The following SEM1 variants were observed in gnomAD, a reference collection of about 807,000 sequenced individuals.
SEM1 encodes 26S proteasome complex subunit SEM1.
A neutral mutation model predicts 12.7 loss-of-function variants in SEM1; 3 were observed. The observed-to-expected ratio is 0.24, with a 90% confidence interval of 0.11 to 0.61. The LOEUF is 0.61. SEM1 is among the 20% of genes least tolerant of loss of function. The pLI, the probability that SEM1 is intolerant of heterozygous loss-of-function variation, is 0.88. For synonymous variants in SEM1, 30 were observed against 27.8 expected (o/e 1.08, Z -0.25); for missense variants, 59 against 81.3 (o/e 0.73, Z 1.06).
At chr7:96,557,152 C>G (rs540237254) in intron 2 of SEM1, among the ~76,000 whole-genome samples, 4,594 of 151,060 alleles carry the variant, frequency 0.03, 230 homozygotes, top group African/African-American at 0.1. Context: ...TCCCGTAGCT[C>G]AGAGTAATTT....
downstream of SEM1, chr7:96,688,265 G>A (rs993972308): frequency 6.6e-6 from 1 of 152,066 alleles, no homozygotes; most frequent in East Asian, 1.9e-4. Context: ...TGTTGATAAA[G>A]TATCTTGAGC....
chr7:96,695,312 G>A (rs898215450), intron 1 of SEM1: 2 of 153,086 alleles, frequency 1.3e-5, no homozygotes, highest in African/African-American at 4.8e-5. Context: ...TTTAAAAGTA[G>A]ACCAAACTGT....
At chr7:96,508,993 CTT>C (rs11438472) in intron 2 of SEM1, among the ~76,000 whole-genome samples, 11,245 of 142,866 alleles carry the variant, frequency 0.079, 1,383 homozygotes, top group African/African-American at 0.27. Flanking sequence ...AGAAACACAA[CTT>C]TTTTTTTTTT....
chr7:96,627,188 T>G lies in SEM1; in HGVS notation c.171-4545A>C, dbSNP rs1008711288. Among the ~76,000 whole-genome samples, 15 of 152,184 alleles carry G rather than the reference T, an allele frequency of 9.9e-5. No homozygotes were observed. The South Asian group carries it at 1.4e-3, about 15-fold the overall frequency. On this transcript the variant is annotated intron_variant, in intron 2 of 2. Transcript: ENST00000417009. ...TTATTTTGGCAGAAGTTTTGTCACTTTGTTTAACTTTTCAAAAAACCATCT... is the reference window on the plus strand; with the variant it reads ...TTATTTTGGCAGAAGTTTTGTCACTGTGTTTAACTTTTCAAAAAACCATCT...
At chr7:96,543,461 A>G (rs914033996) in intron 2 of SEM1, among the ~76,000 whole-genome samples, 47 of 151,938 alleles carry the variant, frequency 3.1e-4, no homozygotes, top group African/African-American at 1.0e-3. Flanking sequence ...AAATATATAT[A>G]TATGAAACTG....
At chr7:96,508,026 T>G (rs1480210613) in intron 2 of SEM1, among the ~76,000 whole-genome samples, 1 of 152,090 alleles carries the variant, frequency 6.6e-6, no homozygotes, top group African/African-American at 2.4e-5. Flanking sequence ...TGCCTTAGTG[T>G]ATTTTAGAGG....
At chr7:96,626,323 G>T (rs995993417) in intron 2 of SEM1, among the ~76,000 whole-genome samples, 1 of 152,092 alleles carries the variant, frequency 6.6e-6, no homozygotes, top group African/African-American at 2.4e-5. Context: ...ATGACCTCCA[G>T]TTCCATCTAT....
At chr7:96,666,371 G>C (rs1218521622) in intron 2 of SEM1, among the ~76,000 whole-genome samples, 1 of 152,016 alleles carries the variant, frequency 6.6e-6, no homozygotes, top group African/African-American at 2.4e-5. Flanking sequence ...CTGTGACTTT[G>C]GGTAAGTCAG....
At chr7:96,630,285 A>T (rs527990508) in intron 2 of SEM1, among the ~76,000 whole-genome samples, 30 of 152,044 alleles carry the variant, frequency 2.0e-4, no homozygotes, top group African/African-American at 6.8e-4. Flanking sequence ...AAAAGCAAAA[A>T]CCTTAGAATT....
chr7:96,640,813 T>C lies in SEM1; in HGVS notation c.171-18170A>G, dbSNP rs1563094047. 6.6e-6 allele frequency among the ~76,000 whole-genome samples: 1 copy of C among 151,834 alleles called. No individual in the cohort carries two copies. The highest frequency in any genetic ancestry group is 6.6e-5 in the Admixed American group (1 of 15,206). On this transcript the variant is annotated intron_variant, in intron 2 of 2. Transcript: ENST00000417009. This position sits in a 1 kb window ranked among gnomAD's most constrained non-coding sequence, Gnocchi z 4.0. ...ATAAATGAGGGAGGCTATGCATGTG[T>C]CGGGGGAGGAGGAGGAGAGACCCCT...
At chr7:96,622,753 T>G in intron 2 of SEM1, 1 of 677,688 alleles carries the variant, frequency 1.5e-6, no homozygotes, top group Non-Finnish European at 2.7e-6. Flanking sequence ...ATAAAATCAC[T>G]TAATACCACT....
At chr7:96,673,967 C>T in intron 2 of SEM1, 1 of 673,604 alleles carries the variant, frequency 1.5e-6, no homozygotes, top group Non-Finnish European at 2.7e-6. Flanking sequence ...ATGTACACCC[C>T]TTATGCCCCA....
intron 2 of SEM1, among the ~76,000 whole-genome samples, chr7:96,509,464 A>T (rs182479350): frequency 1.4e-4 from 22 of 152,172 alleles, no homozygotes; most frequent in Non-Finnish European, 2.5e-4. Flanking sequence ...ATGAGTTATC[A>T]GCATCAATGT....
chr7:96,568,413 C>A (rs1033139799), intron 2 of SEM1, among the ~76,000 whole-genome samples: 2 of 151,844 alleles, frequency 1.3e-5, no homozygotes, highest in African/African-American at 4.8e-5. Flanking sequence ...TTTTAAAAAG[C>A]GCAATTTTTA....
At chr7:96,647,722 T>A (rs1808845401) in intron 2 of SEM1, among the ~76,000 whole-genome samples, 1 of 152,218 alleles carries the variant, frequency 6.6e-6, no homozygotes, top group East Asian at 1.9e-4. Context: ...TTCTTTTGCA[T>A]AAAACAACAA....
chr7:96,706,364 A>T (rs939300725), intron 1 of SEM1: 4 of 152,154 alleles, frequency 2.6e-5, no homozygotes, highest in Admixed American at 6.6e-5. Flanking sequence ...GGAGTTCAAG[A>T]CCAGCTTGAC....
intron 2 of SEM1, among the ~76,000 whole-genome samples, chr7:96,639,821 G>C (rs1808535884): frequency 1.3e-5 from 2 of 151,830 alleles, no homozygotes. Flanking sequence ...ATTTACAAAA[G>C]ACGTATTTGA....
intron 2 of SEM1, among the ~76,000 whole-genome samples, chr7:96,665,829 C>T (rs986521259): frequency 3.9e-5 from 6 of 152,198 alleles, no homozygotes; most frequent in African/African-American, 7.2e-5. Context: ...GAGCTGACAA[C>T]CTGTCCCTAG....
intron 2 of SEM1, among the ~76,000 whole-genome samples, chr7:96,582,560 C>T (rs1350554976): frequency 6.6e-6 from 1 of 152,028 alleles, no homozygotes; most frequent in African/African-American, 2.4e-5. Flanking sequence ...CCAGTTCCTC[C>T]TTGTACCTCT....
Sources: allele counts gnomAD v4.1 joint callset (sites outside exome capture counted in the v4.1 genomes callset), GRCh38; gene constraint gnomAD v4.1.1; non-coding constraint Gnocchi (gnomAD v3.1); transcripts MANE v1.5; gene names NCBI Gene and HGNC (gene_info 2026-07-23, HGNC 2026-07-21).